The following WAPL variants were observed in gnomAD, a reference collection of about 807,000 sequenced individuals.
WAPL encodes the protein WAPL cohesin release factor.
Under a neutral mutation model 121.0 loss-of-function variants are expected in WAPL, and 5 were observed. That is an observed-to-expected ratio of 0.04 (90% CI 0.02 to 0.09). The LOEUF (loss-of-function observed/expected upper bound fraction) is 0.09. Among genes scored for constraint, WAPL ranks in the 10% least tolerant of loss-of-function variants. The pLI is 1.00. For missense variants in WAPL, 999 were observed against 1,410.8 expected, an observed-to-expected ratio of 0.71 and a Z score of 4.68; for synonymous variants, 480 against 481.5, an observed-to-expected ratio of 1.00 and a Z score of 0.04.
chr10:86,454,523 G>A lies in WAPL; in HGVS notation c.2658-692C>T, dbSNP rs150186400. ...CTGCCTAGTGCCTGGGACTGCAGGC[G>A]GGCGCCGCCACACCTGACTGGTTTT... is the stretch of plus-strand genomic sequence containing the variant. On this transcript the variant is annotated intron_variant, in intron 12 of 18. Transcript: ENST00000298767. Among the ~76,000 whole-genome samples the A allele has an allele frequency of 4.8e-3, 734 of 152,316 alleles. 4 individuals carry two copies. The highest frequency in any genetic ancestry group is 9.8e-3 in the Admixed American group (150 of 15,304).
chr10:86,499,860 G>A lies in WAPL; in HGVS notation c.1383C>T (p.Ser461=), dbSNP rs145816550. 1.9e-5 allele frequency: 30 copies of A among 1,613,520 alleles called. No individual in the cohort carries two copies. Among genetic ancestry groups the A allele is most frequent in the East Asian group, 6.7e-5 (3 of 44,878 alleles). The change falls in exon 3 of 19, where the codon AGC becomes AGT. Residue 461 remains serine, a synonymous_variant. Coordinates refer to ENST00000298767, the MANE Select transcript of WAPL (RefSeq NM_015045.5). ...GACAGTCATCATCTTCATCATCTTCGCTTTCACTGAGATCATCAAAGCCAA... is the reference window on the plus strand; with the variant it reads ...GACAGTCATCATCTTCATCATCTTCACTTTCACTGAGATCATCAAAGCCAA... ...KYFGFDDLSE[S]EDDEDDDCQV...
chr10:86,514,573 T>C (rs527280870), intron 2 of WAPL, among the ~76,000 whole-genome samples: 1 of 152,304 alleles, frequency 6.6e-6, no homozygotes, highest in South Asian at 2.1e-4. Flanking sequence ...CACAGACCAA[T>C]TAAAATGGAG....
intron 8 of WAPL, among the ~76,000 whole-genome samples, chr10:86,468,197 C>A (rs888958737): frequency 4.6e-5 from 7 of 151,434 alleles, no homozygotes; most frequent in African/African-American, 1.5e-4. Context: ...TTATGATATA[C>A]CTCATTTTTT....
chr10:86,518,866 G>T (rs775975020), intron 1 of WAPL, among the ~76,000 whole-genome samples: 2 of 152,070 alleles, frequency 1.3e-5, no homozygotes, highest in Non-Finnish European at 2.9e-5. Context: ...TGAAGATTCT[G>T]CTTCTTGGTG....
intron 4 of WAPL, among the ~76,000 whole-genome samples, chr10:86,475,130 C>T (rs1340504853): frequency 2.0e-5 from 3 of 152,198 alleles, no homozygotes; most frequent in African/African-American, 7.2e-5. Context: ...AGTTTTAACA[C>T]TGAATTTCCG....
chr10:86,502,317 A>G lies in WAPL; in HGVS notation c.500-1574T>C, dbSNP rs560628712. Among the ~76,000 whole-genome samples the G allele has an allele frequency of 1.8e-3, 280 of 152,330 alleles. 1 individual carries two copies. Among genetic ancestry groups the G allele is most frequent in the Non-Finnish European group, 3.2e-3 (217 of 68,034 alleles). On this transcript the variant is annotated intron_variant, in intron 2 of 18. Transcript: ENST00000298767. The stretch of plus-strand genomic sequence containing the variant: ...CAGATATGGATGCTCTTAGAGATGG[A>G]ATGACTAAGGGATAAGGAACAAGAA...
chr10:86,518,508 G>A (rs1842604131), intron 1 of WAPL, among the ~76,000 whole-genome samples: 1 of 152,230 alleles, frequency 6.6e-6, no homozygotes, highest in Non-Finnish European at 1.5e-5. Flanking sequence ...AGGAGTTTGA[G>A]ACCAGCCTGC....
intron 8 of WAPL, among the ~76,000 whole-genome samples, chr10:86,469,771 C>T (rs77745971): frequency 0.075 from 11,398 of 152,174 alleles, 464 homozygotes; most frequent in Middle Eastern, 0.14. Flanking sequence ...AATGTTTATA[C>T]AGCAAATTAT....
intron 1 of WAPL, among the ~76,000 whole-genome samples, chr10:86,520,239 G>A (rs1175747244): frequency 6.6e-6 from 1 of 152,338 alleles, no homozygotes; most frequent in East Asian, 1.9e-4. Flanking sequence ...AGGTTGCGGT[G>A]AGCTGAGATC....
At chr10:86,485,621 G>A (rs747050477) in intron 4 of WAPL, among the ~76,000 whole-genome samples, 1 of 152,050 alleles carries the variant, frequency 6.6e-6, no homozygotes, top group Non-Finnish European at 1.5e-5. Context: ...AAAAGCACAA[G>A]AATTGGATCA....
chr10:86,443,397 T>C (rs762237033), intron 16 of WAPL, 34 bp from the exon 17 acceptor site: 67 of 1,597,028 alleles, frequency 4.2e-5, no homozygotes, highest in Admixed American at 1.8e-4. Context: ...TGTAACAGTA[T>C]ATTAATTAAC....
chr10:86,464,151 C>A (rs920826917), intron 9 of WAPL, among the ~76,000 whole-genome samples: 9 of 152,178 alleles, frequency 5.9e-5, no homozygotes, highest in African/African-American at 2.2e-4. Context: ...AAAGGATATT[C>A]ATTGTACAAA....
intron 4 of WAPL, among the ~76,000 whole-genome samples, chr10:86,484,839 T>A (rs138227544): frequency 7.0e-4 from 107 of 152,316 alleles, no homozygotes; most frequent in African/African-American, 2.4e-3. Flanking sequence ...ATAGCCTAGG[T>A]GTGTGGCAGA....
At chr10:86,453,072 GAA>G in intron 14 of WAPL, 146 bp downstream of exon 14, 1 of 67,514 alleles carries the variant, frequency 1.5e-5, no homozygotes, top group Non-Finnish European at 3.0e-5. Flanking sequence ...AAAAAAAAAA[GAA>G]ACACACACAG....
In WAPL at chr10:86,521,569, G is replaced by A. The variant is rs968162855; in HGVS notation, c.-227C>T. On this transcript the variant is annotated 5_prime_UTR_variant, in exon 1 of 19. Transcript: ENST00000298767. ...GCCCCGCAACTTCCCTCCCCGCCTC[G>A]AGCGCCGCCGGCCGGGCCCAGGCCT... The A allele has an allele frequency of 2.4e-5, 10 of 408,910 alleles. No homozygotes were observed. In the East Asian group the frequency reaches 9.8e-4, roughly 40 times the overall value. 25.3% of individuals were successfully genotyped at this position (408,910 alleles called of 1,614,324 possible). A position where few individuals can be genotyped will look rare whatever the true frequency, so the allele number is the denominator to read the frequency against.
At chr10:86,501,984 G>A (rs536436895) in intron 2 of WAPL, among the ~76,000 whole-genome samples, 18 of 152,292 alleles carry the variant, frequency 1.2e-4, no homozygotes, top group African/African-American at 3.9e-4. Flanking sequence ...GAGCCACCAC[G>A]TCCAGCCTCC....
intron 1 of WAPL, among the ~76,000 whole-genome samples, chr10:86,520,625 C>T (rs749391660): frequency 4.6e-5 from 7 of 151,996 alleles, no homozygotes; most frequent in Admixed American, 6.6e-5. Context: ...GTTTCAAGTA[C>T]ACAATCTTGC....
intron 4 of WAPL, among the ~76,000 whole-genome samples, chr10:86,487,655 C>T (rs1841954078): frequency 6.6e-6 from 1 of 152,120 alleles, no homozygotes. Flanking sequence ...CTTTAGGAGG[C>T]CGAGGCGGGT....
chr10:86,521,419 C>G lies in WAPL; in HGVS notation c.-77G>C. 1.9e-5 allele frequency: 6 copies of G among 308,614 alleles called. No homozygotes were observed. The highest frequency in any genetic ancestry group is 1.5e-4 in the South Asian group (6 of 40,354). The allele number at this position is 308,614 out of a possible 1,614,324, so 19.1% of individuals were successfully genotyped here. A position where few individuals can be genotyped will look rare whatever the true frequency, so the allele number is the denominator to read the frequency against. On this transcript the variant is annotated 5_prime_UTR_variant, in exon 1 of 19. Transcript: ENST00000298767. ...GGGCCGCCTCCGCCTCTCCCGCTCC[C>G]TACGGCCCGCGGGCGGGCGCGGAAC...
Sources: gnomAD v4.1 joint callset for allele counts (sites outside exome capture counted in the v4.1 genomes callset) on GRCh38, gnomAD v4.1.1 for gene constraint, MANE v1.5 for transcripts, NCBI Gene and HGNC (gene_info 2026-07-23, HGNC 2026-07-21) for gene names.